The following MAF variants were observed in gnomAD, a reference collection of about 807,000 sequenced individuals.
MAF encodes the protein MAF bZIP transcription factor, also known as transcription factor Maf.
In MAF, 10 loss-of-function variants were observed where a neutral mutation model predicts 22.0. That is an observed-to-expected ratio of 0.45 (90% CI 0.28 to 0.77). MAF has a LOEUF of 0.77. Ranked by LOEUF, MAF falls within the 30% of genes least tolerant of loss-of-function variation. MAF has a pLI of 0.12. For synonymous variants in MAF, 337 were observed against 255.8 expected, an observed-to-expected ratio of 1.32 and a Z score of -3.03; for missense variants, 544 against 548.4, an observed-to-expected ratio of 0.99 and a Z score of 0.08.
At chr16:79,415,232 CA>C in the MAF span, among the ~76,000 whole-genome samples, 1 of 129,980 alleles carries the variant, frequency 7.7e-6, no homozygotes, top group East Asian at 2.6e-4. Context: ...GCACAGGATA[CA>C]AGTCAACAAA....
At chr16:79,425,499 G>A in the MAF span, among the ~76,000 whole-genome samples, 1 of 152,182 alleles carries the variant, frequency 6.6e-6, no homozygotes, top group South Asian at 2.1e-4. Flanking sequence ...GAACTGATTG[G>A]AAAAGTTGAA....
the MAF span, among the ~76,000 whole-genome samples, chr16:79,447,243 A>G: frequency 6.6e-6 from 1 of 152,072 alleles, no homozygotes; most frequent in African/African-American, 2.4e-5. Flanking sequence ...TAGGTGCTGT[A>G]AGTGGAGAAA....
the MAF span, among the ~76,000 whole-genome samples, chr16:79,276,101 A>G: frequency 6.6e-6 from 1 of 151,952 alleles, no homozygotes; most frequent in African/African-American, 2.4e-5. Context: ...AGATCGTGCC[A>G]CTTCATTCCA....
chr16:79,317,913 T>TCACTCACTCAC, the MAF span, among the ~76,000 whole-genome samples: 1 of 144,452 alleles, frequency 6.9e-6, no homozygotes, highest in African/African-American at 2.8e-5. Context: ...CATTCATTCA[T>TCACTCACTCAC]TCACTCACTC....
the MAF span, among the ~76,000 whole-genome samples, chr16:79,560,137 C>T: frequency 6.6e-6 from 1 of 152,058 alleles, no homozygotes; most frequent in Non-Finnish European, 1.5e-5. Context: ...TCTTGAACCC[C>T]TGGCCTCAAG....
chr16:79,216,607 A>C, the MAF span, among the ~76,000 whole-genome samples: 1 of 152,120 alleles, frequency 6.6e-6, no homozygotes, highest in Non-Finnish European at 1.5e-5. Flanking sequence ...GGTAAACTTA[A>C]GTTTTCTGAA....
chr16:79,501,212 A>G, the MAF span, among the ~76,000 whole-genome samples: 1 of 152,158 alleles, frequency 6.6e-6, no homozygotes, highest in Admixed American at 6.5e-5. Context: ...GGTTCTGTCT[A>G]CAACACTCCA....
At chr16:79,476,861 T>A in the MAF span, among the ~76,000 whole-genome samples, 11 of 152,296 alleles carry the variant, frequency 7.2e-5, no homozygotes, top group South Asian at 8.3e-4. Context: ...TGACATTTTT[T>A]AAAAAATGTC....
At chr16:79,237,925 C>T in the MAF span, among the ~76,000 whole-genome samples, 1 of 152,144 alleles carries the variant, frequency 6.6e-6, no homozygotes. Context: ...CTCAGCATCC[C>T]ATCATGGTGC....
the MAF span, among the ~76,000 whole-genome samples, chr16:79,372,316 G>C: frequency 4.6e-5 from 7 of 152,060 alleles, no homozygotes; most frequent in Non-Finnish European, 8.8e-5. Context: ...TAACAGAGAA[G>C]AAAGATTTTT....
At chr16:79,262,752 C>T in the MAF span, among the ~76,000 whole-genome samples, 1 of 152,076 alleles carries the variant, frequency 6.6e-6, no homozygotes, top group Non-Finnish European at 1.5e-5. Flanking sequence ...ATCCAGAGCC[C>T]CTTTGTTGGT....
chr16:79,351,242 G>C, the MAF span, among the ~76,000 whole-genome samples: 1 of 152,150 alleles, frequency 6.6e-6, no homozygotes, highest in Admixed American at 6.5e-5. Flanking sequence ...GGCTGCCTTT[G>C]CTCATCCCTT....
chr16:79,498,167 G>C, the MAF span, among the ~76,000 whole-genome samples: 1 of 152,194 alleles, frequency 6.6e-6, no homozygotes, highest in East Asian at 1.9e-4. Context: ...CTTAGCTCCA[G>C]TACTTGGGCA....
At chr16:79,335,955 A>G in the MAF span, among the ~76,000 whole-genome samples, 1 of 152,328 alleles carries the variant, frequency 6.6e-6, no homozygotes, top group South Asian at 2.1e-4. Context: ...CAATTCCCAG[A>G]GTCCAGCCAG....
At chr16:79,322,873 G>A in the MAF span, among the ~76,000 whole-genome samples, 4 of 152,042 alleles carry the variant, frequency 2.6e-5, no homozygotes, top group South Asian at 2.1e-4. Flanking sequence ...AATTGGGGCC[G>A]GGTGCAGTGG....
Position 79,594,348 on chromosome 16 carries a change from A to C in MAF, c.*112T>G, listed in dbSNP as rs1382656019. ...TAATAGCCTTCTTCTCTAACACAGT[A>C]ATTTTTATTTAAAAAGGAGACTAAA... On this transcript the variant is annotated 3_prime_UTR_variant, in exon 2 of 2. Coordinates refer to ENST00000326043, the MANE Select transcript of MAF (RefSeq NM_005360.5). 1 of 967,448 alleles carries C rather than the reference A, an allele frequency of 1.0e-6. No homozygotes were observed. Among genetic ancestry groups the C allele is most frequent in the Non-Finnish European group, 1.6e-6 (1 of 621,334 alleles). 59.9% of individuals were successfully genotyped at this position (967,448 alleles called of 1,614,324 possible). A position where few individuals can be genotyped will look rare whatever the true frequency, so the allele number is the denominator to read the frequency against.
At chr16:79,445,230 AG>A in the MAF span, among the ~76,000 whole-genome samples, 1 of 150,242 alleles carries the variant, frequency 6.7e-6, no homozygotes, top group African/African-American at 2.5e-5. Flanking sequence ...TTTTTAGTAG[AG>A]ATGGGGTTTC....
chr16:79,562,414 C>T, the MAF span, among the ~76,000 whole-genome samples: 1 of 152,156 alleles, frequency 6.6e-6, no homozygotes, highest in African/African-American at 2.4e-5. Context: ...AAGGAAATGG[C>T]AAGTGAACTC....
At chr16:79,278,296 C>T in the MAF span, among the ~76,000 whole-genome samples, 1 of 152,214 alleles carries the variant, frequency 6.6e-6, no homozygotes, top group South Asian at 2.1e-4. Context: ...TTGCATGTTC[C>T]TGACTTTTCC....
Sources: allele counts gnomAD v4.1 joint callset (sites outside exome capture counted in the v4.1 genomes callset), GRCh38; gene constraint gnomAD v4.1.1; transcripts MANE v1.5; gene names NCBI Gene and HGNC (gene_info 2026-07-23, HGNC 2026-07-21).